USP32: variants seen among roughly 807,000 people sequenced by gnomAD.
USP32 encodes ubiquitin specific peptidase 32, also known as ubiquitin carboxyl-terminal hydrolase 32.
In USP32, 59 loss-of-function variants were observed where a neutral mutation model predicts 204.8. That is an observed-to-expected ratio of 0.29 (90% confidence interval 0.23 to 0.36). The LOEUF is 0.36. Among genes scored for constraint, USP32 ranks in the 10% least tolerant of loss-of-function variants. The pLI is 1.00. For missense variants in USP32, 1,160 were observed against 1,946.4 expected (o/e 0.60, Z 7.60); for synonymous variants, 517 against 678.4 (o/e 0.76, Z 3.70).
At chr17:60,280,445 CCA>C (rs1331178950) in intron 5 of USP32, among the ~76,000 whole-genome samples, 2 of 152,126 alleles carry the variant, frequency 1.3e-5, no homozygotes, top group Non-Finnish European at 2.9e-5. Context: ...ACAAATAGCT[CCA>C]CAGTTTCCTT....
Position 60,185,614 on chromosome 17 carries a change from C to T in USP32, c.3680G>A (p.Arg1227Gln), listed in dbSNP as rs571832352. ...CAGGTTGATGGGCTCGGCTTGCGCT[C>T]GCCGACTCTGCTCCACACTCTCATG... ...DEHESVEQSR[R>Q]AQAEPINLDS... Residue 1227 changes from arginine (R) to glutamine (Q), a missense_variant, in exon 30 of 34, where the codon CGA becomes CAA. Around this residue, in one of 8 missense-constraint regions of USP32, gnomAD observed 160 missense variants for 322.5 expected, o/e 0.50. Transcript: ENST00000300896. 48 of 1,611,860 alleles carry T rather than the reference C, an allele frequency of 3.0e-5. No homozygotes were observed. Among genetic ancestry groups the T allele is most frequent in the African/African-American group, 1.2e-4 (9 of 74,932 alleles).
chr17:60,345,767 A>G (rs2088771838), intron 1 of USP32, among the ~76,000 whole-genome samples, 159 bp from the exon 2 acceptor site: 1 of 152,204 alleles, frequency 6.6e-6, no homozygotes, highest in African/African-American at 2.4e-5. Flanking sequence ...GGATCACTTA[A>G]GGCCAGGAGT....
Position 60,219,755 on chromosome 17 carries a change from C to A in USP32, c.1782G>T (p.Glu594Asp). ...VIKNSKTDIP[E>D]LELFPRYLLF... is the part of the protein sequence containing the mutation. ...GAAGATAGCGGGGAAATAATTCCAGCTCTGGGATGTCTGTCTTGCTGTTCT... is the reference window on the plus strand; with the variant it reads ...GAAGATAGCGGGGAAATAATTCCAGATCTGGGATGTCTGTCTTGCTGTTCT... The change falls in exon 16 of 34, where the codon GAG becomes GAT. Residue 594 changes from glutamate (E) to aspartate (D), a missense_variant. Around this residue, in one of 8 missense-constraint regions of USP32, gnomAD observed 37 missense variants for 62.6 expected, o/e 0.59. Transcript: ENST00000300896. 6.2e-7 allele frequency: 1 copy of A among 1,612,472 alleles called. No homozygotes were observed. The highest frequency in any genetic ancestry group is 8.5e-7 in the Non-Finnish European group (1 of 1,179,458).
At chr17:60,199,105 G>A (rs1268358169) in intron 26 of USP32, among the ~76,000 whole-genome samples, 2 of 144,244 alleles carry the variant, frequency 1.4e-5, no homozygotes, top group Non-Finnish European at 3.0e-5. Flanking sequence ...GGTAGAGTGA[G>A]ACCTGTCTCA....
rs142046029 is a variant in USP32 at position 60,267,230 on chromosome 17, A to G, written c.812-1139T>C. On this transcript the variant is annotated intron_variant, in intron 7 of 33. Transcript: ENST00000300896. ...AGACCAGCCTGGTCAACATGGTGAAATCCCGTCGCTACTAAAAATACAAAA... is the reference window on the plus strand; with the variant it reads ...AGACCAGCCTGGTCAACATGGTGAAGTCCCGTCGCTACTAAAAATACAAAA... Among the ~76,000 whole-genome samples, 636 of 151,602 alleles carry G rather than the reference A, an allele frequency of 4.2e-3. 2 individuals are homozygous for G. Among genetic ancestry groups the G allele is most frequent in the Admixed American group, 4.9e-3 (75 of 15,238 alleles).
chr17:60,193,681 G>A (rs1268320024), intron 27 of USP32, among the ~76,000 whole-genome samples: 1 of 152,172 alleles, frequency 6.6e-6, no homozygotes, highest in African/African-American at 2.4e-5. Flanking sequence ...TAACATAAGA[G>A]TGGCATACTT....
At chr17:60,303,274 A>C (rs1412810986) in intron 2 of USP32, among the ~76,000 whole-genome samples, 1 of 152,160 alleles carries the variant, frequency 6.6e-6, no homozygotes, top group East Asian at 1.9e-4. Flanking sequence ...AACAAAAACA[A>C]AAACACCTTT....
intron 12 of USP32, among the ~76,000 whole-genome samples, chr17:60,232,384 G>A (rs1337238672): frequency 4.0e-5 from 6 of 150,914 alleles, no homozygotes; most frequent in Non-Finnish European, 7.4e-5. Context: ...TGTTGGCCAG[G>A]CTGGTCTGGA....
chr17:60,403,571 C>T (rs2089952609), intron 1 of USP32, among the ~76,000 whole-genome samples: 1 of 152,190 alleles, frequency 6.6e-6, no homozygotes, highest in African/African-American at 2.4e-5. Context: ...GGGACTAACG[C>T]TCCTCAGGTG....
At position 60,418,403 on chromosome 17, in the gene USP32, T is replaced by TTG. The variant is rs201234954; in HGVS notation, c.106+3842_106+3843insCA. 9.5e-3 allele frequency among the ~76,000 whole-genome samples: 1,432 copies of TTG among 151,360 alleles called. 17 individuals carry two copies. Among genetic ancestry groups the TTG allele is most frequent in the African/African-American group, 0.031 (1,294 of 41,254 alleles). ...CCACCGTGCCTGGCCTCTGTTTTTTTTTTTTTTTTTTTTACTATTAACTTT... is the reference window on the plus strand; with the variant it reads ...CCACCGTGCCTGGCCTCTGTTTTTTTTGTTTTTTTTTTTTTACTATTAACTTT... On this transcript the variant is annotated intron_variant, in intron 1 of 3. Transcript: ENST00000588898.
intron 2 of USP32, among the ~76,000 whole-genome samples, chr17:60,304,200 A>C (rs1030448788): frequency 5.9e-5 from 9 of 152,080 alleles, no homozygotes; most frequent in African/African-American, 9.7e-5. Flanking sequence ...ATTAAAAAAA[A>C]CCCAAAAATT....
At chr17:60,215,333 G>C (rs2085073855) in intron 16 of USP32, among the ~76,000 whole-genome samples, 1 of 151,992 alleles carries the variant, frequency 6.6e-6, no homozygotes, top group African/African-American at 2.4e-5. Flanking sequence ...AAGGCCCAAG[G>C]CCCAAGGTCC....
chr17:60,333,145 A>C (rs958268219), intron 2 of USP32, among the ~76,000 whole-genome samples: 2 of 152,232 alleles, frequency 1.3e-5, no homozygotes, highest in Non-Finnish European at 2.9e-5. Flanking sequence ...ACTCCCCGCA[A>C]GGTTGAAAAT....
chr17:60,422,392 A>C, exon 1 of USP32: 137 of 1,249,962 alleles, frequency 1.1e-4, no homozygotes, highest in East Asian at 4.3e-4. Flanking sequence ...TGGAGGGGCC[A>C]GCTGCAGCCA....
At chr17:60,392,907 T>C (rs2089865688), upstream of USP32, among the ~76,000 whole-genome samples, 1 of 152,132 alleles carries the variant, frequency 6.6e-6, no homozygotes, top group African/African-American at 2.4e-5. Flanking sequence ...TCCCAGAGTT[T>C]CTCCCCGAGA....
At chr17:60,376,268 C>T (rs1374031729) in intron 1 of USP32, among the ~76,000 whole-genome samples, 1 of 151,456 alleles carries the variant, frequency 6.6e-6, no homozygotes, top group African/African-American at 2.4e-5. Flanking sequence ...TATAATTGCA[C>T]AATATATATT....
rs2085382343 is a variant in USP32, at chr17:60,226,165, C to T, written c.1306G>A (p.Ala436Thr). 2 of 1,601,318 alleles carry T rather than the reference C, an allele frequency of 1.2e-6. No individual in the cohort carries two copies. The highest frequency in any genetic ancestry group is 4.5e-5 in the East Asian group (2 of 43,968). ...LNGGKYSFGT[A>T]AHPMEQVEDR... ...TCGACCTGCTCCATAGGATGGGCTG[C>T]AGTTCCAAATGAGTATTTTCCTCCA... Residue 436 changes from alanine (A) to threonine (T), a missense_variant, in exon 13 of 34, where the codon GCA (alanine) becomes ACA (threonine). Transcript: ENST00000300896.
Position 60,208,131 on chromosome 17 carries a change from T to G in USP32, c.2853A>C (p.Lys951Asn). The change falls in exon 24 of 34, where the codon AAA (lysine) becomes AAC (asparagine). Residue 951 changes from lysine to asparagine, a missense_variant. Lys to Asn is a moderately conservative substitution (Grantham distance 94). This residue lies in a region of USP32 where 132 missense variants were observed against 432.8 expected (regional missense o/e 0.30). Transcript: ENST00000300896. ...NMDEKYTGLKKQLSDLCGLNS... is the reference protein window; with the variant it reads ...NMDEKYTGLKNQLSDLCGLNS... ...TAAGTCCACAGAGATCACTCAGCTGTTTTTTTAAACCTGTGTACTTTTCAT... is the reference window on the plus strand; with the variant it reads ...TAAGTCCACAGAGATCACTCAGCTGGTTTTTTAAACCTGTGTACTTTTCAT... 1 of 1,605,418 alleles carries G rather than the reference T, an allele frequency of 6.2e-7. No homozygotes were observed. The highest frequency in any genetic ancestry group is 8.5e-7 in the Non-Finnish European group (1 of 1,174,382).
Position 60,291,537 on chromosome 17 carries a change from A to ATGTGTG in USP32, c.412-2861_412-2856dup, listed in dbSNP as rs58874239. Among the ~76,000 whole-genome samples the ATGTGTG allele has an allele frequency of 2.9e-3, 423 of 145,334 alleles. 2 individuals carry two copies. Among genetic ancestry groups the ATGTGTG allele is most frequent in the South Asian group, 7.4e-3 (33 of 4,454 alleles). On this transcript the variant is annotated intron_variant, in intron 4 of 33. Coordinates refer to ENST00000300896, the MANE Select transcript of USP32 (RefSeq NM_032582.4). ...AAAGTGCTTCTCTCTCTGTGTGTGTATGTGTGTGTGTGTGTGTGTGTGTGT... is the reference window on the plus strand; with the variant it reads ...AAAGTGCTTCTCTCTCTGTGTGTGTATGTGTGTGTGTGTGTGTGTGTGTGTGTGTGT...
Sources: gnomAD v4.1 joint callset for allele counts (sites outside exome capture counted in the v4.1 genomes callset) on GRCh38, gnomAD v4.1.1 for gene constraint, gnomAD v4.1.1 regional missense constraint, MANE v1.5 for transcripts, NCBI Gene and HGNC (gene_info 2026-07-23, HGNC 2026-07-21) for gene names.